Variants in KDM4C observed in about 807,000 individuals in gnomAD.
KDM4C encodes lysine demethylase 4C.
A neutral mutation model predicts 129.3 loss-of-function variants in KDM4C; 81 were observed. The ratio of observed to expected loss-of-function variants is 0.63; its 90% CI spans 0.52 to 0.75. The LOEUF is 0.75. Among genes scored for constraint, KDM4C ranks in the 30% least tolerant of loss-of-function variants. The pLI, the probability that KDM4C is intolerant of heterozygous loss-of-function variation, is 0.00. For synonymous variants in KDM4C, 573 were observed against 456.1 expected (o/e 1.26, Z -3.26); for missense variants, 1,457 against 1,304.0 (o/e 1.12, Z -1.81).
chr9:6,833,991 T>A (rs947769081), intron 4 of KDM4C, among the ~76,000 whole-genome samples: 1 of 149,792 alleles, frequency 6.7e-6, no homozygotes, highest in Non-Finnish European at 1.5e-5. Flanking sequence ...GATCCTGCCG[T>A]GTGTGGTGCC....
chr9:6,970,365 T>C (rs1188233731), intron 8 of KDM4C, among the ~76,000 whole-genome samples: 1 of 152,244 alleles, frequency 6.6e-6, no homozygotes, highest in African/African-American at 2.4e-5. Context: ...GTCACTGTAA[T>C]TGTACCTGTT....
intron 17 of KDM4C, among the ~76,000 whole-genome samples, chr9:7,065,113 A>C (rs1392551977): frequency 6.6e-6 from 1 of 152,222 alleles, no homozygotes; most frequent in Non-Finnish European, 1.5e-5. Context: ...CACCTATCAA[A>C]GGGAATTTGC....
At chr9:6,835,744 C>T (rs1253531505) in intron 4 of KDM4C, among the ~76,000 whole-genome samples, 1 of 152,170 alleles carries the variant, frequency 6.6e-6, no homozygotes, top group Non-Finnish European at 1.5e-5. Flanking sequence ...AAGGTGACAG[C>T]AGTCGGTTGG....
intron 19 of KDM4C, among the ~76,000 whole-genome samples, chr9:7,141,613 C>G (rs1841746771): frequency 6.6e-6 from 1 of 152,108 alleles, no homozygotes; most frequent in African/African-American, 2.4e-5. Flanking sequence ...GAAGGTGACA[C>G]CTGTCATTGA....
intron 8 of KDM4C, among the ~76,000 whole-genome samples, chr9:6,923,503 A>T (rs545113759): frequency 6.6e-6 from 1 of 152,180 alleles, no homozygotes; most frequent in African/African-American, 2.4e-5. Context: ...TGAGTGAATG[A>T]CTGAATGATT....
intron 1 of KDM4C, among the ~76,000 whole-genome samples, chr9:6,728,256 C>A (rs1264206116): frequency 1.3e-5 from 2 of 152,186 alleles, no homozygotes; most frequent in East Asian, 3.9e-4. Context: ...GTATTCTTGG[C>A]CGGATGTGGT....
At chr9:6,773,385 T>C (rs940985265) in intron 1 of KDM4C, among the ~76,000 whole-genome samples, 1 of 152,172 alleles carries the variant, frequency 6.6e-6, no homozygotes, top group African/African-American at 2.4e-5. Context: ...GTGTCATTGT[T>C]GATGTTATAG....
intron 1 of KDM4C, among the ~76,000 whole-genome samples, chr9:6,771,440 C>T (rs117346021): frequency 0.096 from 14,496 of 151,740 alleles, 813 homozygotes; most frequent in Non-Finnish European, 0.11. Flanking sequence ...GCCTCCCGAC[C>T]AGCTTGGATT....
intron 1 of KDM4C, among the ~76,000 whole-genome samples, chr9:6,728,532 A>T (rs1401887139): frequency 6.6e-6 from 1 of 151,316 alleles, no homozygotes; most frequent in Non-Finnish European, 1.5e-5. Context: ...TCCTACTCTG[A>T]AAAAACAAAC....
intron 17 of KDM4C, among the ~76,000 whole-genome samples, chr9:7,051,885 A>AT: frequency 6.6e-6 from 1 of 152,208 alleles, no homozygotes; most frequent in Non-Finnish European, 1.5e-5. Context: ...CATTACTGAC[A>AT]TTTTAGAGCA....
intron 18 of KDM4C, among the ~76,000 whole-genome samples, chr9:7,107,027 A>C (rs1837771203): frequency 6.6e-6 from 1 of 152,090 alleles, no homozygotes; most frequent in Non-Finnish European, 1.5e-5. Context: ...TTCAACCTAA[A>C]TTTTTAGCAT....
At chr9:7,001,432 T>C (rs1286165414) in intron 12 of KDM4C, among the ~76,000 whole-genome samples, 1 of 152,238 alleles carries the variant, frequency 6.6e-6, no homozygotes, top group Admixed American at 6.5e-5. Context: ...AAGAATCTTC[T>C]TGGGGACCCC....
chr9:7,004,887 G>C (rs1821373616), intron 12 of KDM4C, among the ~76,000 whole-genome samples: 1 of 152,174 alleles, frequency 6.6e-6, no homozygotes, highest in South Asian at 2.1e-4. Context: ...GCGGGGTTCT[G>C]TCCTGCAGAC....
chr9:7,153,062 T>C (rs1005765369), intron 19 of KDM4C, among the ~76,000 whole-genome samples: 11 of 152,322 alleles, frequency 7.2e-5, no homozygotes, highest in Non-Finnish European at 1.2e-4. Flanking sequence ...TTCTCCCTAA[T>C]GAATATATAG....
At chr9:7,097,554 C>T (rs1285261004) in intron 17 of KDM4C, among the ~76,000 whole-genome samples, 1 of 152,120 alleles carries the variant, frequency 6.6e-6, no homozygotes, top group Non-Finnish European at 1.5e-5. Context: ...ATTTGGTGCC[C>T]CGCAGGTAGC....
intron 17 of KDM4C, among the ~76,000 whole-genome samples, chr9:7,091,574 T>C (rs1213711861): frequency 6.6e-6 from 1 of 152,136 alleles, no homozygotes. Context: ...AGTGAATGTA[T>C]TTATAAAAAA....
intron 1 of KDM4C, among the ~76,000 whole-genome samples, chr9:6,736,622 T>G (rs1817535702): frequency 6.6e-6 from 1 of 152,102 alleles, no homozygotes; most frequent in Admixed American, 6.6e-5. Flanking sequence ...TTTGGGAACC[T>G]CAATTAGGAA....
At chr9:6,975,387 A>G (rs936195739) in intron 8 of KDM4C, among the ~76,000 whole-genome samples, 2 of 152,218 alleles carry the variant, frequency 1.3e-5, no homozygotes, top group African/African-American at 4.8e-5. Flanking sequence ...AAATGTGGCC[A>G]TTTAAATGAT....
At chr9:7,141,519 C>G (rs1166455395) in intron 19 of KDM4C, among the ~76,000 whole-genome samples, 1 of 152,026 alleles carries the variant, frequency 6.6e-6, no homozygotes, top group Admixed American at 6.5e-5. Flanking sequence ...ATCAAGAGTA[C>G]CAGGTGATGG....
Sources: gnomAD v4.1 joint callset for allele counts (sites outside exome capture counted in the v4.1 genomes callset) on GRCh38, gnomAD v4.1.1 for gene constraint, MANE v1.5 for transcripts, NCBI Gene and HGNC (gene_info 2026-07-23, HGNC 2026-07-21) for gene names.